EXTL3: variants seen among roughly 807,000 people sequenced by gnomAD.
The protein encoded by EXTL3 is exostosin like glycosyltransferase 3, also known as exostosin-like 3.
A neutral mutation model predicts 69.3 loss-of-function variants in EXTL3; 27 were observed. That is an observed-to-expected ratio of 0.39 (90% CI 0.29 to 0.54). The LOEUF is 0.54. Among genes scored for constraint, EXTL3 ranks in the 20% least tolerant of loss-of-function variants. The pLI is 0.69. For missense variants in EXTL3, 1,003 were observed against 1,231.8 expected (o/e 0.81, Z 2.78); for synonymous variants, 511 against 499.4 (o/e 1.02, Z -0.31).
intron 3 of EXTL3, among the ~76,000 whole-genome samples, chr8:28,728,075 T>C (rs575513927): frequency 7.9e-5 from 12 of 152,240 alleles, no homozygotes; most frequent in Non-Finnish European, 1.3e-4. Flanking sequence ...AGTTCTGTAC[T>C]GAGTGAATGC....
chr8:28,647,356 C>G (rs1806849073), intron 1 of EXTL3, among the ~76,000 whole-genome samples: 1 of 152,126 alleles, frequency 6.6e-6, no homozygotes, highest in Non-Finnish European at 1.5e-5. Flanking sequence ...CCACCTGCCT[C>G]GGCCTCCCAA....
intron 1 of EXTL3, among the ~76,000 whole-genome samples, chr8:28,653,332 C>G (rs1049174777): frequency 2.0e-5 from 3 of 152,150 alleles, no homozygotes; most frequent in Non-Finnish European, 4.4e-5. Flanking sequence ...TGTTTTTACT[C>G]TCTTGATAGT....
intron 2 of EXTL3, among the ~76,000 whole-genome samples, chr8:28,613,253 G>T (rs1437704177): frequency 6.6e-6 from 1 of 151,976 alleles, no homozygotes; most frequent in Non-Finnish European, 1.5e-5. Flanking sequence ...GCATGATCTT[G>T]GTTCACTGCA....
intron 1 of EXTL3, among the ~76,000 whole-genome samples, chr8:28,625,321 A>C (rs1806474840): frequency 6.6e-6 from 1 of 152,240 alleles, no homozygotes; most frequent in Non-Finnish European, 1.5e-5. Flanking sequence ...TCTCAGAAGA[A>C]CCATAAAGAC....
intron 3 of EXTL3, among the ~76,000 whole-genome samples, chr8:28,725,593 T>C (rs1488089765): frequency 6.6e-6 from 1 of 152,228 alleles, no homozygotes; most frequent in Non-Finnish European, 1.5e-5. Flanking sequence ...ATTCATTCAT[T>C]TATAAAACAT....
rs1489407409 is a variant in EXTL3 at position 28,679,223 on chromosome 8, A to G, written c.-52-34234A>G. ...AGCACTTTGGGAGGCTGAGGCGGGC[A>G]GATCACGAGGTCAAGAGATCGAGAC... On this transcript the variant is annotated intron_variant, in intron 1 of 6. Coordinates refer to the EXTL3 transcript ENST00000523149. Among the ~76,000 whole-genome samples the G allele has an allele frequency of 4.6e-5, 7 of 152,074 alleles. No individual in the cohort carries two copies. In the South Asian group the frequency reaches 1.2e-3, roughly 27 times the overall value.
chr8:28,712,551 C>T (rs1410580110), intron 1 of EXTL3, among the ~76,000 whole-genome samples: 1 of 152,186 alleles, frequency 6.6e-6, no homozygotes, highest in Non-Finnish European at 1.5e-5. Context: ...ATCATTGTTT[C>T]AGTGACATTT....
intron 4 of EXTL3, among the ~76,000 whole-genome samples, chr8:28,733,301 A>G (rs1011095256): frequency 1.3e-5 from 2 of 151,820 alleles, no homozygotes; most frequent in African/African-American, 2.4e-5. Context: ...ATCTTCGTCA[A>G]TGCTTGTTAT....
intron 1 of EXTL3, among the ~76,000 whole-genome samples, chr8:28,656,452 T>C (rs1458244331): frequency 6.6e-6 from 1 of 152,190 alleles, no homozygotes; most frequent in Non-Finnish European, 1.5e-5. Context: ...CATGAGCCAC[T>C]GCGCCCAACC....
chr8:28,669,656 T>C (rs576298350), intron 1 of EXTL3, among the ~76,000 whole-genome samples: 2 of 152,272 alleles, frequency 1.3e-5, no homozygotes, highest in East Asian at 3.8e-4. Flanking sequence ...TCCCCATAAT[T>C]CACAAATTAT....
At chr8:28,652,344 C>T (rs1806936769) in intron 1 of EXTL3, among the ~76,000 whole-genome samples, 1 of 152,050 alleles carries the variant, frequency 6.6e-6, no homozygotes. Context: ...TCCTCTTCCA[C>T]ATTTGCTATT....
chr8:28,696,496 G>A (rs1233046249), intron 1 of EXTL3: 3 of 152,072 alleles, frequency 2.0e-5, no homozygotes, highest in Admixed American at 1.3e-4. Flanking sequence ...GCAATATTGT[G>A]TATATTTGCA....
At chr8:28,656,472 A>AT (rs1807013279) in intron 1 of EXTL3, among the ~76,000 whole-genome samples, 2 of 152,168 alleles carry the variant, frequency 1.3e-5, no homozygotes, top group East Asian at 1.9e-4. Context: ...CTGTTCAACT[A>AT]TTTTTTTAAT....
At chr8:28,720,972 G>A (rs1801281426) in intron 3 of EXTL3, among the ~76,000 whole-genome samples, 1 of 152,228 alleles carries the variant, frequency 6.6e-6, no homozygotes, top group African/African-American at 2.4e-5. Context: ...CCTGAAAGAT[G>A]TTCCACTGTT....
intron 1 of EXTL3, among the ~76,000 whole-genome samples, chr8:28,687,851 A>C (rs1443050131): frequency 6.6e-6 from 1 of 152,214 alleles, no homozygotes; most frequent in East Asian, 1.9e-4. Context: ...TTAAATTCTA[A>C]AGAAGAGTTC....
At chr8:28,721,254 G>A (rs1049285794) in intron 3 of EXTL3, among the ~76,000 whole-genome samples, 1 of 152,192 alleles carries the variant, frequency 6.6e-6, no homozygotes, top group Non-Finnish European at 1.5e-5. Context: ...TCTTTTATAT[G>A]TAGCTGGTCT....
intron 1 of EXTL3, among the ~76,000 whole-genome samples, chr8:28,632,515 C>T (rs1347023791): frequency 6.6e-6 from 1 of 151,432 alleles, no homozygotes; most frequent in East Asian, 1.9e-4. Context: ...TTAGTGCAGG[C>T]CCTCTGCTAA....
At chr8:28,734,442 T>C (rs1304179385) in intron 4 of EXTL3, among the ~76,000 whole-genome samples, 1 of 152,212 alleles carries the variant, frequency 6.6e-6, no homozygotes, top group African/African-American at 2.4e-5. Context: ...CCGGGTGTAG[T>C]GGCTTACACC....
intron 1 of EXTL3, among the ~76,000 whole-genome samples, chr8:28,673,432 A>T (rs1050026726): frequency 3.7e-4 from 56 of 152,210 alleles, no homozygotes; most frequent in African/African-American, 1.3e-3. Context: ...CAAAAGGCAG[A>T]GGAAGAAGGA....
Sources: allele counts gnomAD v4.1 joint callset (sites outside exome capture counted in the v4.1 genomes callset), GRCh38; gene constraint gnomAD v4.1.1; transcripts MANE v1.5; gene names NCBI Gene and HGNC (gene_info 2026-07-23, HGNC 2026-07-21).